The following DIXDC1 variants were observed in gnomAD, a reference collection of about 807,000 sequenced individuals.
DIXDC1 encodes the protein DIX domain containing 1.
In DIXDC1, 64 loss-of-function variants were observed where a neutral mutation model predicts 103.1. The ratio of observed to expected loss-of-function variants is 0.62; its 90% CI spans 0.51 to 0.76. The LOEUF (loss-of-function observed/expected upper bound fraction) is 0.76, where lower values mean the gene tolerates loss of function less well. Among genes scored for constraint, DIXDC1 ranks in the 30% least tolerant of loss-of-function variants. The probability of loss-of-function intolerance (pLI) is 0.00; values close to 1 mark genes in which losing one functional copy is unlikely to be tolerated. For missense variants in DIXDC1, 759 were observed against 834.2 expected (o/e 0.91, Z 1.11); for synonymous variants, 266 against 298.5 (o/e 0.89, Z 1.12).
intron 1 of DIXDC1, among the ~76,000 whole-genome samples, chr11:111,956,246 A>G (rs1555170551): frequency 6.6e-6 from 1 of 152,212 alleles, no homozygotes; most frequent in East Asian, 1.9e-4. Context: ...AGAGTTGCTT[A>G]CTTGGTACAG....
intron 2 of DIXDC1, among the ~76,000 whole-genome samples, chr11:111,965,021 C>A (rs1859682495): frequency 6.6e-6 from 1 of 152,050 alleles, no homozygotes; most frequent in African/African-American, 2.4e-5. Flanking sequence ...AGGAGGGACA[C>A]CCAGCCCAGT....
At chr11:111,952,116 T>G (rs2137474751) in intron 1 of DIXDC1, among the ~76,000 whole-genome samples, 1 of 152,274 alleles carries the variant, frequency 6.6e-6, no homozygotes, top group South Asian at 2.1e-4. Flanking sequence ...TCTGCCCGCC[T>G]CAGCCTCCCA....
chr11:111,967,982 A>G (rs1377209878), intron 2 of DIXDC1, among the ~76,000 whole-genome samples: 4 of 152,212 alleles, frequency 2.6e-5, no homozygotes, highest in Admixed American at 2.6e-4. Context: ...GTGGTTCCTC[A>G]GTCTGGAATG....
rs1859472219 is a variant in DIXDC1 at position 111,958,706 on chromosome 11, CA to C, written c.61-5842del. 1.3e-5 allele frequency among the ~76,000 whole-genome samples: 2 copies of C among 152,158 alleles called. No individual in the cohort carries two copies. Among genetic ancestry groups the C allele is most frequent in the Admixed American group, 1.3e-4 (2 of 15,286 alleles). ...CAGGGAGGCCTGAAGCCTGGGGGGT[CA>C]GGCTGCCAGCCCCGCAGACCGGAGT... On this transcript the variant is annotated intron_variant, in intron 1 of 19. Coordinates refer to ENST00000440460, the MANE Select transcript of DIXDC1 (RefSeq NM_001037954.4). This position sits in a 1 kb window ranked among gnomAD's most constrained non-coding sequence, Gnocchi z 4.2.
chr11:111,994,759 G>A lies in DIXDC1; in HGVS notation c.1438-260G>A, dbSNP rs1465128950. Among the ~76,000 whole-genome samples, 8 of 152,266 alleles carry A rather than the reference G, an allele frequency of 5.3e-5. No individual in the cohort carries two copies. In the South Asian group the frequency reaches 1.2e-3, roughly 24 times the overall value. On this transcript the variant is annotated intron_variant, in intron 14 of 19. Coordinates refer to ENST00000440460, the MANE Select transcript of DIXDC1 (RefSeq NM_001037954.4). Reference sequence around the variant, plus strand: ...CCAGTGCTGTGGCAGAGGCTAGGTTGGGGCCTCCAGGTGGAGGTTAGCATT... The same window carrying A: ...CCAGTGCTGTGGCAGAGGCTAGGTTAGGGCCTCCAGGTGGAGGTTAGCATT...
At chr11:112,002,865 G>GA (rs782296628) in intron 17 of DIXDC1, among the ~76,000 whole-genome samples, 1 of 152,074 alleles carries the variant, frequency 6.6e-6, no homozygotes, top group Non-Finnish European at 1.5e-5. Flanking sequence ...AGTGGGTATA[G>GA]AAAAAAATAT....
intron 3 of DIXDC1, among the ~76,000 whole-genome samples, chr11:111,971,559 A>C (rs1859928834): frequency 6.6e-6 from 1 of 152,176 alleles, no homozygotes; most frequent in Non-Finnish European, 1.5e-5. Flanking sequence ...TTCTCTAAGA[A>C]CTACAGCAAT....
intron 2 of DIXDC1, chr11:111,929,932 G>A: frequency 2.0e-6 from 3 of 1,532,372 alleles, no homozygotes; most frequent in South Asian, 1.2e-5. Context: ...GTGTACTATT[G>A]TGAAAAGCGT....
intron 1 of DIXDC1, among the ~76,000 whole-genome samples, chr11:111,959,029 C>T (rs1461509101): frequency 3.3e-5 from 5 of 152,178 alleles, no homozygotes; most frequent in East Asian, 1.9e-4. Flanking sequence ...ACCCACTGCA[C>T]GTCTCCTCTG....
chr11:112,001,886 A>G (rs1352257545), intron 17 of DIXDC1, among the ~76,000 whole-genome samples: 1 of 151,546 alleles, frequency 6.6e-6, no homozygotes, highest in Non-Finnish European at 1.5e-5. Context: ...CCTCCCAAGT[A>G]GCTGGGATTA....
chr11:111,932,317 C>A (rs1008124810), intron 2 of DIXDC1, among the ~76,000 whole-genome samples: 2 of 151,520 alleles, frequency 1.3e-5, no homozygotes, highest in African/African-American at 4.8e-5. Flanking sequence ...GGATTACAGG[C>A]GTGAGCCACC....
At chr11:111,993,450 T>G in intron 12 of DIXDC1, 46 bp from the exon 13 acceptor site, 1 of 1,607,460 alleles carries the variant, frequency 6.2e-7, no homozygotes, top group Non-Finnish European at 8.5e-7. Flanking sequence ...AACTTTTCAG[T>G]GTCCCTGGTT....
intron 2 of DIXDC1, among the ~76,000 whole-genome samples, chr11:111,930,967 C>T (rs1965996055): frequency 6.6e-6 from 1 of 151,016 alleles, no homozygotes; most frequent in Non-Finnish European, 1.5e-5. Flanking sequence ...GATTCTCCTG[C>T]CTCAGCCTCC....
chr11:111,979,163 G>A (rs1185873914), intron 5 of DIXDC1, among the ~76,000 whole-genome samples: 8 of 152,210 alleles, frequency 5.3e-5, no homozygotes, highest in African/African-American at 1.9e-4. Context: ...GGAAGAGAAT[G>A]TATTTCTAGT....
At chr11:112,000,992 CAT>C (rs1861048755) in intron 17 of DIXDC1, among the ~76,000 whole-genome samples, 1 of 152,102 alleles carries the variant, frequency 6.6e-6, no homozygotes, top group African/African-American at 2.4e-5. Context: ...AAAACTTGTA[CAT>C]CTATGTTCCT....
chr11:111,980,913 C>A (rs1211045200), intron 6 of DIXDC1, 64 bp downstream of exon 6: 1 of 1,373,574 alleles, frequency 7.3e-7, no homozygotes, highest in Non-Finnish European at 1.0e-6. Flanking sequence ...TTTAGAGGTC[C>A]CCATCACCAA....
At chr11:111,930,802 A>T (rs1202028861) in intron 2 of DIXDC1, among the ~76,000 whole-genome samples, 1 of 149,776 alleles carries the variant, frequency 6.7e-6, no homozygotes, top group Non-Finnish European at 1.5e-5. Context: ...GTTCAAGACC[A>T]GCCTGAGCAA....
Position 111,982,476 on chromosome 11 carries a change from T to G in DIXDC1, c.907T>G (p.Ser303Ala). 1 of 1,613,252 alleles carries G rather than the reference T, an allele frequency of 6.2e-7. No individual in the cohort carries two copies. Among genetic ancestry groups the G allele is most frequent in the Non-Finnish European group, 8.5e-7 (1 of 1,179,590 alleles). Residue 303 changes from serine (S) to alanine (A), a missense_variant, in exon 7 of 20, where the codon TCA becomes GCA. Ser to Ala is a moderately conservative substitution (Grantham distance 99). This residue lies in a region of DIXDC1 where 657 missense variants were observed against 727.5 expected (regional missense o/e 0.90). Transcript: ENST00000440460. ...KEMEEAKKMI[S>A]GLQALLLNGS... ...AATGGAGGAAGCAAAGAAAATGATA[T>G]CAGGACTACAGGTAGCTCTCTCCCT...
intron 1 of DIXDC1, among the ~76,000 whole-genome samples, chr11:111,951,897 A>T (rs1224593586): frequency 2.1e-5 from 3 of 143,458 alleles, no homozygotes; most frequent in Non-Finnish European, 4.5e-5. Context: ...ATGGAGTCTC[A>T]CTCTGTCACC....
Sources: allele counts gnomAD v4.1 joint callset (sites outside exome capture counted in the v4.1 genomes callset), GRCh38; gene constraint gnomAD v4.1.1; regional missense constraint gnomAD v4.1.1; non-coding constraint Gnocchi (gnomAD v3.1); transcripts MANE v1.5; gene names NCBI Gene and HGNC (gene_info 2026-07-23, HGNC 2026-07-21).